The following FKBP9 variants were observed in gnomAD, a reference collection of about 807,000 sequenced individuals.
The protein encoded by FKBP9 is FKBP prolyl isomerase 9.
Under a neutral mutation model 55.6 loss-of-function variants are expected in FKBP9, and 27 were observed. The ratio of observed to expected loss-of-function variants is 0.49; its 90% CI spans 0.36 to 0.67. The LOEUF (loss-of-function observed/expected upper bound fraction) is 0.67, where lower values mean the gene tolerates loss of function less well. Among genes scored for constraint, FKBP9 ranks in the 30% least tolerant of loss-of-function variants. The pLI is 0.00. For synonymous variants in FKBP9, 267 were observed against 296.5 expected (o/e 0.90, Z 1.02); for missense variants, 539 against 742.8 (o/e 0.73, Z 3.19).
chr7:32,996,340 T>C lies in FKBP9; in HGVS notation c.1217T>C (p.Leu406Pro), dbSNP rs1410108471. Residue 406 changes from leucine (L) to proline (P), a missense_variant, in exon 7 of 10, where the codon CTG becomes CCG. Coordinates refer to ENST00000242209, the MANE Select transcript of FKBP9 (RefSeq NM_007270.5). ...YNASLLDGTL[L>P]DSTWNLGKTY... ...GCCTCACTTCTGGATGGGACCCTGC[T>C]GGACTCCACGTAAGGGCAACCAGAA... The C allele has an allele frequency of 3.1e-6, 5 of 1,612,938 alleles. No homozygotes were observed. Among genetic ancestry groups the C allele is most frequent in the Non-Finnish European group, 3.4e-6 (4 of 1,179,122 alleles).
chr7:32,996,606 T>TTTCCTTCCTTCCTTCCCTCC (rs1784793001), intron 7 of FKBP9, among the ~76,000 whole-genome samples: 3 of 110,358 alleles, frequency 2.7e-5, no homozygotes, highest in Non-Finnish European at 5.3e-5. Flanking sequence ...AACTGCTATC[T>TTTCCTTCCTTCCTTCCCTCC]TTCCTTCCTT....
chr7:32,980,970 G>A lies in FKBP9; in HGVS notation c.893+417G>A, dbSNP rs1169636102. 7.3e-5 allele frequency among the ~76,000 whole-genome samples: 11 copies of A among 150,326 alleles called. No homozygotes were observed. The Admixed American group carries it at 7.3e-4, about 10-fold the overall frequency. The stretch of plus-strand genomic sequence containing the variant: ...TCTTGTAACCATTTCTTTCTTGGGG[G>A]CTGTTTTAGATGGTTCTGCAGGAAG... On this transcript the variant is annotated intron_variant, in intron 5 of 9. Coordinates refer to ENST00000242209, the MANE Select transcript of FKBP9 (RefSeq NM_007270.5).
chr7:32,999,471 T>C (rs191220691), intron 7 of FKBP9, among the ~76,000 whole-genome samples: 4,899 of 149,074 alleles, frequency 0.033, 142 homozygotes, highest in South Asian at 0.082. Flanking sequence ...AAACTCTTGG[T>C]GGTCTTTTTT....
chr7:33,006,195 G>A lies in FKBP9; in HGVS notation c.*844G>A, dbSNP rs1785038454. 1 of 188,498 alleles carries A rather than the reference G, an allele frequency of 5.3e-6. No individual in the cohort carries two copies. Among genetic ancestry groups the A allele is most frequent in the East Asian group, 8.2e-5 (1 of 12,164 alleles). 11.7% of individuals were successfully genotyped at this position (188,498 alleles called of 1,614,324 possible). A position where few individuals can be genotyped will look rare whatever the true frequency, so the allele number is the denominator to read the frequency against. ...CACTGCAGCACTGTCTCGGCTCACT[G>A]CAGCCTCCGCCTCCCGTATTCAAGC... On this transcript the variant is annotated 3_prime_UTR_variant, in exon 10 of 10. Transcript: ENST00000242209.
At chr7:32,985,821 C>T (rs967132069) in intron 5 of FKBP9, among the ~76,000 whole-genome samples, 1 of 151,880 alleles carries the variant, frequency 6.6e-6, no homozygotes, top group Non-Finnish European at 1.5e-5. Flanking sequence ...GGTGAAACCC[C>T]GTCTCTACCA....
At position 33,006,756 on chromosome 7, in the gene FKBP9, T is replaced by A. The variant is rs1411216595; in HGVS notation, c.*1405T>A. ...TCTATCCTCTGTTCCCAAATGGTGG[T>A]GGCACTTATCCTGAAGTCGTCAATG... On this transcript the variant is annotated 3_prime_UTR_variant, in exon 10 of 10. Coordinates refer to ENST00000242209, the MANE Select transcript of FKBP9 (RefSeq NM_007270.5). 2 of 210,264 alleles carry A rather than the reference T, an allele frequency of 9.5e-6. No homozygotes were observed. The highest frequency in any genetic ancestry group is 1.4e-4 in the East Asian group (2 of 14,138). 13.0% of individuals were successfully genotyped at this position (210,264 alleles called of 1,614,324 possible).
At chr7:33,001,166 C>T (rs1456487003) in intron 8 of FKBP9, among the ~76,000 whole-genome samples, 6 of 152,132 alleles carry the variant, frequency 3.9e-5, no homozygotes, top group Admixed American at 2.6e-4. Flanking sequence ...ATGATAGGCA[C>T]TGTGGATTGA....
At chr7:32,968,306 A>G in intron 1 of FKBP9, among the ~76,000 whole-genome samples, 1 of 152,248 alleles carries the variant, frequency 6.6e-6, no homozygotes, top group Non-Finnish European at 1.5e-5. Flanking sequence ...GGCATGAGCC[A>G]CTGCGTCCGG....
intron 1 of FKBP9, among the ~76,000 whole-genome samples, chr7:32,959,421 AAAACAAAAAACG>A (rs1356551829): frequency 1.3e-5 from 2 of 152,226 alleles, no homozygotes; most frequent in Non-Finnish European, 2.9e-5. Context: ...AACAAAACAA[AAAACAAAAAACG>A]AAACAAAAAA....
At chr7:32,975,152 T>C (rs1302267635) in intron 2 of FKBP9, 30 bp from the exon 3 acceptor site, 1 of 1,591,514 alleles carries the variant, frequency 6.3e-7, no homozygotes, top group Admixed American at 1.7e-5. Context: ...GCAGCAACTG[T>C]GAACTCAGTG....
intron 6 of FKBP9, among the ~76,000 whole-genome samples, chr7:32,991,592 G>A (rs564969401): frequency 2.0e-4 from 31 of 151,762 alleles, no homozygotes; most frequent in Admixed American, 9.9e-4. Context: ...TGGGCTGACC[G>A]TGTGCTCTCA....
At chr7:32,982,276 C>T (rs1334876073) in intron 5 of FKBP9, among the ~76,000 whole-genome samples, 1 of 152,148 alleles carries the variant, frequency 6.6e-6, no homozygotes, top group East Asian at 1.9e-4. Flanking sequence ...CCAACGCAGC[C>T]TCCCAAAGTG....
In FKBP9 at chr7:33,006,037, A is replaced by G; in HGVS notation, c.*686A>G. 1 of 226,900 alleles carries G rather than the reference A, an allele frequency of 4.4e-6. No homozygotes were observed. The highest frequency in any genetic ancestry group is 8.7e-6 in the Non-Finnish European group (1 of 114,302). 14.1% of individuals were successfully genotyped at this position (226,900 alleles called of 1,614,324 possible). On this transcript the variant is annotated 3_prime_UTR_variant, in exon 10 of 10. Coordinates refer to ENST00000242209, the MANE Select transcript of FKBP9 (RefSeq NM_007270.5). ...GGAAAAGGCATCTCAGACCACAAAT[A>G]GAGAATTTGATTCCTCATTTGCCAC...
chr7:32,963,279 T>A (rs1583838487), intron 1 of FKBP9, among the ~76,000 whole-genome samples: 2 of 3,190 alleles, frequency 6.3e-4, no homozygotes, highest in African/African-American at 2.6e-3. Context: ...ACTGGAAGGG[T>A]GTGGGAGAAC....
chr7:33,001,440 C>T (rs956801532), intron 8 of FKBP9, among the ~76,000 whole-genome samples: 3 of 151,900 alleles, frequency 2.0e-5, no homozygotes, highest in African/African-American at 7.3e-5. Context: ...GAGGCTGAGG[C>T]AGGAGAATCG....
chr7:32,982,506 A>G (rs2392177), intron 5 of FKBP9, among the ~76,000 whole-genome samples: 17,783 of 152,026 alleles, frequency 0.12, 1,395 homozygotes, highest in East Asian at 0.41. Context: ...TTACATCTAC[A>G]TGGCGTCCCA....
In FKBP9 at chr7:32,975,079, G is replaced by T; in HGVS notation, c.368-103G>T. 7.8e-6 allele frequency: 7 copies of T among 901,634 alleles called. No homozygotes were observed. The South Asian group carries it at 9.2e-5, about 12-fold the overall frequency. The allele number at this position is 901,634 out of a possible 1,614,324, so 55.9% of individuals were successfully genotyped here. A position where few individuals can be genotyped will look rare whatever the true frequency, so the allele number is the denominator to read the frequency against. ...TGGGATTGTATAGCGGTGACTGCTT[G>T]AACCCTTTTGGCCCACATTCACCTT... On this transcript the variant is annotated intron_variant, in intron 2 of 9. Coordinates refer to ENST00000242209, the MANE Select transcript of FKBP9 (RefSeq NM_007270.5).
chr7:32,987,464 C>T (rs1784601530), intron 5 of FKBP9, among the ~76,000 whole-genome samples: 1 of 147,566 alleles, frequency 6.8e-6, no homozygotes, highest in Admixed American at 6.8e-5. Flanking sequence ...CACTTCACTC[C>T]AGCCTGGGAG....
At chr7:32,979,133 G>A (rs1356254896) in intron 4 of FKBP9, among the ~76,000 whole-genome samples, 2 of 152,158 alleles carry the variant, frequency 1.3e-5, no homozygotes, top group Non-Finnish European at 2.9e-5. Context: ...GCCAGGCGTG[G>A]TGGCAGGTGC....
Sources: allele counts gnomAD v4.1 joint callset (sites outside exome capture counted in the v4.1 genomes callset), GRCh38; gene constraint gnomAD v4.1.1; transcripts MANE v1.5; gene names NCBI Gene and HGNC (gene_info 2026-07-23, HGNC 2026-07-21).